Variants in TJP3 observed in about 807,000 individuals in gnomAD.
The protein encoded by TJP3 is tight junction protein 3.
TJP3 carries 85 observed loss-of-function variants against 104.2 expected under a neutral mutation model. That is an observed-to-expected ratio of 0.82 (90% CI 0.68 to 0.98). The LOEUF (loss-of-function observed/expected upper bound fraction) is 0.98. Among genes scored for constraint, TJP3 ranks in the 50% least tolerant of loss-of-function variants. The probability of loss-of-function intolerance (pLI) is 0.00; values close to 1 mark genes in which losing one functional copy is unlikely to be tolerated. For missense variants in TJP3, 1,367 were observed against 1,322.8 expected, an observed-to-expected ratio of 1.03 and a Z score of -0.52; for synonymous variants, 550 against 550.6, an observed-to-expected ratio of 1.00 and a Z score of 0.02.
rs753260962 is a variant in TJP3, at chr19:3,730,565, G to C, written c.472G>C (p.Gly158Arg). ...RPRPGRRGRA[G>R]SHGRRSPGGG... ...GAGGCCTGGTCGCCGGGGCCGGGCC[G>C]GCAGCCATGGGCGTAGGAGCCCAGG... The change falls in exon 5 of 21, where the codon GGC becomes CGC. Residue 158 changes from glycine to arginine, a missense_variant. Transcript: ENST00000541714. This position sits in a 1 kb window ranked among gnomAD's most constrained non-coding sequence, Gnocchi z 7.3. The C allele has an allele frequency of 6.2e-7, 1 of 1,606,504 alleles. No individual in the cohort carries two copies. Among genetic ancestry groups the C allele is most frequent in the South Asian group, 1.1e-5 (1 of 90,904 alleles).
At chr19:3,713,358 A>C (rs2036449946) in intron 1 of TJP3, among the ~76,000 whole-genome samples, 1 of 152,232 alleles carries the variant, frequency 6.6e-6, no homozygotes, top group Non-Finnish European at 1.5e-5. Flanking sequence ...CATGAGGGAA[A>C]CAGCTGGTCC....
intron 14 of TJP3, among the ~76,000 whole-genome samples, chr19:3,741,271 G>T (rs2036814623): frequency 1.3e-5 from 2 of 152,044 alleles, no homozygotes; most frequent in African/African-American, 4.8e-5. Context: ...AAAATGCTGA[G>T]ATTACAGGCG....
intron 8 of TJP3, among the ~76,000 whole-genome samples, chr19:3,734,935 C>T (rs1243955067): frequency 6.6e-6 from 1 of 152,100 alleles, no homozygotes; most frequent in African/African-American, 2.4e-5. Flanking sequence ...GCCTAGGCAA[C>T]CAGAGCAAAA....
At chr19:3,750,318 CCTCT>C (rs2036975242) in intron 20 of TJP3, 134 bp downstream of exon 20, 1 of 1,235,790 alleles carries the variant, frequency 8.1e-7, no homozygotes, top group Non-Finnish European at 1.2e-6. Flanking sequence ...CCTGCCAGAG[CCTCT>C]CTAAGCCCCA....
At chr19:3,717,405 TTA>T (rs112882829) in intron 1 of TJP3, among the ~76,000 whole-genome samples, 18,902 of 132,432 alleles carry the variant, frequency 0.14, 1,686 homozygotes, top group African/African-American at 0.24. Flanking sequence ...CAGCCATAGC[TTA>T]TATATATATA....
chr19:3,715,139 G>C (rs2036465483), intron 1 of TJP3, among the ~76,000 whole-genome samples: 1 of 150,830 alleles, frequency 6.6e-6, no homozygotes, highest in Admixed American at 6.6e-5. Flanking sequence ...GCCCAGGCTG[G>C]AGCGCAGTGG....
chr19:3,722,862 G>A lies in TJP3; in HGVS notation c.-9-5562G>A, dbSNP rs1178858276. Among the ~76,000 whole-genome samples the A allele has an allele frequency of 1.6e-5, 2 of 127,888 alleles. 1 individual carries two copies. Among genetic ancestry groups the A allele is most frequent in the South Asian group, 5.8e-4 (2 of 3,470 alleles). The allele number at this position is 127,888 out of a possible 152,430, so 83.9% of individuals were successfully genotyped here. A position where few individuals can be genotyped will look rare whatever the true frequency, so the allele number is the denominator to read the frequency against. On this transcript the variant is annotated intron_variant, in intron 1 of 20. Transcript: ENST00000541714. ...GTTCCTGGAGATGGGGTGGCGGGGG[G>A]GGGGGGCACAGGGGACGGCGGCCCG... is the stretch of plus-strand genomic sequence containing the variant.
Position 3,734,414 on chromosome 19 carries a change from C to T in TJP3, c.965C>T (p.Ala322Val). ...PPRHAQRSPE[A>V]SQTDSPVESP... ...CGGCATGCTCAGCGGAGCCCCGAGG[C>T]CAGCCAGACCGACTCTCCCGTGTAA... Residue 322 changes from alanine to valine, a missense_variant, in exon 8 of 21, where the codon GCC becomes GTC. Physicochemically the swap from Ala to Val is moderately conservative, Grantham distance 64. Coordinates refer to ENST00000541714, the MANE Select transcript of TJP3 (RefSeq NM_001267560.2). 1 of 1,609,938 alleles carries T rather than the reference C, an allele frequency of 6.2e-7. No individual in the cohort carries two copies. The highest frequency in any genetic ancestry group is 8.5e-7 in the Non-Finnish European group (1 of 1,178,822).
rs201111915 is a variant in TJP3 at position 3,746,496 on chromosome 19, G to A, written c.2022G>A (p.Ala674=). 1.1e-5 allele frequency: 18 copies of A among 1,613,628 alleles called. No individual in the cohort carries two copies. Among genetic ancestry groups the A allele is most frequent in the East Asian group, 4.5e-5 (2 of 44,876 alleles). ...CCGGCCTGGCCCAGGACAAGCATGC[G>A]CTCCTGGATGTGACCCCCTCCGCCA... ...VRVIAEKDKH[A]LLDVTPSAIE... The change falls in exon 17 of 21, where the codon GCG becomes GCA. Residue 674 remains alanine (A), a synonymous_variant. Coordinates refer to ENST00000541714, the MANE Select transcript of TJP3 (RefSeq NM_001267560.2). This position sits in a 1 kb window ranked among gnomAD's most constrained non-coding sequence, Gnocchi z 4.1.
intron 1 of TJP3, among the ~76,000 whole-genome samples, chr19:3,715,939 C>T (rs374324275): frequency 3.6e-4 from 55 of 151,736 alleles, no homozygotes; most frequent in African/African-American, 1.1e-3. Context: ...CCACCACACT[C>T]GGCTAATTTT....
rs144472063 is a variant in TJP3 at position 3,747,893 on chromosome 19, G to A, written c.2422G>A (p.Glu808Lys). 24 of 1,613,276 alleles carry A rather than the reference G, an allele frequency of 1.5e-5. No individual in the cohort carries two copies. Among genetic ancestry groups the A allele is most frequent in the African/African-American group, 6.7e-5 (5 of 75,060 alleles). ...CGACAGCCGCGTTAACAGCGACTAC[G>A]AGACGGACGGCGAGGGCGGCGCGTA... ...SCDSRVNSDYETDGEGGAYTD... is the reference protein window; with the variant it reads ...SCDSRVNSDYKTDGEGGAYTD... The change falls in exon 19 of 21, where the codon GAG (glutamate) becomes AAG (lysine). Residue 808 changes from glutamate to lysine, a missense_variant. Transcript: ENST00000541714.
chr19:3,748,156 G>A, intron 19 of TJP3, 75 bp downstream of exon 19: 1 of 1,446,844 alleles, frequency 6.9e-7, no homozygotes. Context: ...CACACACTGG[G>A]AGCCTGTTTT....
intron 1 of TJP3, among the ~76,000 whole-genome samples, chr19:3,716,754 G>T (rs1464814756): frequency 7.2e-6 from 1 of 139,424 alleles, no homozygotes; most frequent in South Asian, 2.5e-4. Flanking sequence ...GCGCCTAGAG[G>T]TGCCTGCTAC....
In TJP3 at chr19:3,728,591, C is replaced by T. The variant is rs1055019006; in HGVS notation, c.49-13C>T. The T allele has an allele frequency of 2.0e-5, 33 of 1,609,828 alleles. No individual in the cohort carries two copies. Among genetic ancestry groups the T allele is most frequent in the Non-Finnish European group, 2.4e-5 (28 of 1,178,642 alleles). On this transcript the variant is annotated splice_polypyrimidine_tract_variant and intron_variant, in intron 2 of 20. Transcript: ENST00000541714. ...GGAAACAGCAGCTCTTCCTTCCCCT[C>T]ATCCTCTCTCAGGACCCCCGCCGGG...
intron 3 of TJP3, 110 bp downstream of exon 3, chr19:3,728,823 T>A: frequency 8.6e-7 from 1 of 1,167,676 alleles, no homozygotes; most frequent in Non-Finnish European, 1.2e-6. Context: ...GAGGCTGAAG[T>A]GGGCGGATCA....
At chr19:3,735,960 C>A in intron 10 of TJP3, 25 bp downstream of exon 10, 10 of 1,613,806 alleles carry the variant, frequency 6.2e-6, no homozygotes, top group Non-Finnish European at 8.5e-6. Flanking sequence ...AGAAAGCAAA[C>A]CCGCTCAAAA....
At chr19:3,741,981 AAAAAAC>A (rs1055042391) in intron 14 of TJP3, among the ~76,000 whole-genome samples, 2 of 152,160 alleles carry the variant, frequency 1.3e-5, no homozygotes, top group African/African-American at 4.8e-5. Context: ...AAAAAAAACA[AAAAAAC>A]AAAAAAATTT....
chr19:3,730,267 T>G lies in TJP3; in HGVS notation c.262-88T>G, dbSNP rs538773436. The G allele has an allele frequency of 2.0e-6, 3 of 1,465,642 alleles. No homozygotes were observed. Among genetic ancestry groups the G allele is most frequent in the East Asian group, 4.8e-5 (2 of 41,414 alleles). 90.8% of individuals were successfully genotyped at this position (1,465,642 alleles called of 1,614,324 possible). On this transcript the variant is annotated intron_variant, in intron 4 of 20. Transcript: ENST00000541714. The surrounding 1 kb of genome is among the most constrained non-coding windows in gnomAD (Gnocchi z 7.3). ...TGGACATTGAGGCCCAGAGAGAGACTGGTGTCCCCCAGGGCCACCCGGGGG... is the reference window on the plus strand; with the variant it reads ...TGGACATTGAGGCCCAGAGAGAGACGGGTGTCCCCCAGGGCCACCCGGGGG...
At position 3,728,398 on chromosome 19, in the gene TJP3, C is replaced by T. The variant is rs750240235; in HGVS notation, c.-9-26C>T. ...CAGATGAACCTGTGTGGCCTCATGC[C>T]CATCTTCCCCGCTCCCCTCGACCAG... On this transcript the variant is annotated intron_variant, in intron 1 of 20. Coordinates refer to ENST00000541714, the MANE Select transcript of TJP3 (RefSeq NM_001267560.2). 3.1e-6 allele frequency: 5 copies of T among 1,614,050 alleles called. No homozygotes were observed. In the African/African-American group the frequency reaches 5.3e-5, roughly 17 times the overall value.
Sources: gnomAD v4.1 joint callset for allele counts (sites outside exome capture counted in the v4.1 genomes callset) on GRCh38, gnomAD v4.1.1 for gene constraint, Gnocchi (gnomAD v3.1) non-coding constraint, MANE v1.5 for transcripts, NCBI Gene and HGNC (gene_info 2026-07-23, HGNC 2026-07-21) for gene names.